Variants in NR5A2 observed in about 807,000 individuals in gnomAD.
NR5A2 encodes nuclear receptor subfamily 5 group A member 2.
A neutral mutation model predicts 62.7 loss-of-function variants in NR5A2; 26 were observed. The ratio of observed to expected loss-of-function variants is 0.41; its 90% confidence interval spans 0.30 to 0.58. NR5A2 has a LOEUF of 0.58. Among genes scored for constraint, NR5A2 ranks in the 20% least tolerant of loss-of-function variants. The pLI, the probability that NR5A2 is intolerant of heterozygous loss-of-function variation, is 0.22. For missense variants in NR5A2, 541 were observed against 669.1 expected (o/e 0.81, Z 2.11); for synonymous variants, 246 against 241.7 (o/e 1.02, Z -0.16).
chr1:200,097,357 T>C (rs1194935886), intron 5 of NR5A2, among the ~76,000 whole-genome samples: 2 of 152,216 alleles, frequency 1.3e-5, no homozygotes, highest in Non-Finnish European at 2.9e-5. Flanking sequence ...TCTCTCTCCC[T>C]TCTTACAAGG....
intron 4 of NR5A2, among the ~76,000 whole-genome samples, chr1:200,046,155 T>TA (rs1259006704): frequency 1.3e-5 from 2 of 151,966 alleles, no homozygotes; most frequent in Non-Finnish European, 2.9e-5. Flanking sequence ...GGCTGCAAAA[T>TA]AAAAAATTGA....
intron 7 of NR5A2, among the ~76,000 whole-genome samples, chr1:200,139,368 T>C (rs1667354461): frequency 6.6e-6 from 1 of 152,248 alleles, no homozygotes; most frequent in South Asian, 2.1e-4. Context: ...TTTCTGATCT[T>C]ATTTTGTTGG....
At chr1:200,042,560 A>G (rs1471782080) in intron 2 of NR5A2, among the ~76,000 whole-genome samples, 4 of 152,008 alleles carry the variant, frequency 2.6e-5, no homozygotes, top group African/African-American at 9.7e-5. Flanking sequence ...TGCAAACGCC[A>G]CTGATTAACT....
intron 7 of NR5A2, among the ~76,000 whole-genome samples, chr1:200,125,121 G>C (rs1666646779): frequency 6.6e-6 from 1 of 152,164 alleles, no homozygotes; most frequent in Admixed American, 6.5e-5. Flanking sequence ...GTTTATGAGA[G>C]GAGATGTTTA....
intron 5 of NR5A2, among the ~76,000 whole-genome samples, chr1:200,103,057 G>A (rs1343993937): frequency 6.6e-6 from 1 of 151,006 alleles, no homozygotes; most frequent in Non-Finnish European, 1.5e-5. Flanking sequence ...GTAAAATGAG[G>A]ATTATAATAA....
chr1:200,115,160 T>A lies in NR5A2; in HGVS notation c.1230+3839T>A, dbSNP rs142742361. Among the ~76,000 whole-genome samples the A allele has an allele frequency of 1.1e-4, 16 of 152,328 alleles. No homozygotes were observed. In the East Asian group the frequency reaches 3.1e-3, roughly 29 times the overall value. ...CAATTTTAATGTGATTGTTGCTTAG[T>A]GTTATGAAATTATTTTAATATTAAG... On this transcript the variant is annotated intron_variant, in intron 6 of 7. Coordinates refer to ENST00000367362, the MANE Select transcript of NR5A2 (RefSeq NM_205860.3).
intron 7 of NR5A2, among the ~76,000 whole-genome samples, chr1:200,124,564 T>C (rs1666619624): frequency 6.6e-6 from 1 of 152,214 alleles, no homozygotes; most frequent in African/African-American, 2.4e-5. Flanking sequence ...TCTCTGTTAG[T>C]TGTTAGTTTT....
intron 7 of NR5A2, among the ~76,000 whole-genome samples, chr1:200,139,103 T>C (rs752894370): frequency 3.3e-5 from 5 of 152,226 alleles, no homozygotes; most frequent in Admixed American, 6.5e-5. Context: ...TACAATTTTC[T>C]CCACAGAGGT....
At chr1:200,149,730 G>C (rs1667900076) in intron 7 of NR5A2, among the ~76,000 whole-genome samples, 1 of 152,126 alleles carries the variant, frequency 6.6e-6, no homozygotes, top group African/African-American at 2.4e-5. Context: ...CATATTGTGG[G>C]CTCCTCATCA....
At chr1:200,148,164 A>T in intron 7 of NR5A2, 1 of 371,236 alleles carries the variant, frequency 2.7e-6, no homozygotes, top group Non-Finnish European at 4.3e-6. Context: ...GAGGAAGACC[A>T]GATTGTAGTG....
At chr1:200,085,662 C>CAAA (rs779455520) in intron 5 of NR5A2, among the ~76,000 whole-genome samples, 1 of 91,148 alleles carries the variant, frequency 1.1e-5, no homozygotes, top group African/African-American at 3.8e-5. Flanking sequence ...AGACCTATCT[C>CAAA]AAAAAAAAAA....
intron 3 of NR5A2, 104 bp from the exon 4 acceptor site, chr1:200,045,339 A>C: frequency 9.7e-7 from 1 of 1,026,456 alleles, no homozygotes; most frequent in East Asian, 2.7e-5. Flanking sequence ...TAAGGGCTCA[A>C]ATAGTGCAAT....
chr1:200,086,503 A>G (rs1664533629), intron 5 of NR5A2, among the ~76,000 whole-genome samples: 1 of 152,084 alleles, frequency 6.6e-6, no homozygotes, highest in African/African-American at 2.4e-5. Flanking sequence ...GGGTTTCTCC[A>G]TGTTGGTCAG....
At chr1:200,074,841 A>G (rs1663954985) in intron 5 of NR5A2, among the ~76,000 whole-genome samples, 1 of 151,492 alleles carries the variant, frequency 6.6e-6, no homozygotes, top group Non-Finnish European at 1.5e-5. Flanking sequence ...ACTTCTCCAA[A>G]TATGGATATA....
Position 200,175,854 on chromosome 1 carries a change from AG to A in NR5A2, c.*1645del, listed in dbSNP as rs1302983040. Reference sequence around the variant, plus strand: ...CTTTGTAGAAACTGTAAAAAATAAAAGTATCTCCTAGTCCCTTAATTTTTTC... The same window carrying A: ...CTTTGTAGAAACTGTAAAAAATAAAATATCTCCTAGTCCCTTAATTTTTTC... On this transcript the variant is annotated 3_prime_UTR_variant, in exon 8 of 8. Transcript: ENST00000367362. 6.6e-6 allele frequency: 1 copy of A among 152,640 alleles called. No homozygotes were observed. Among genetic ancestry groups the A allele is most frequent in the East Asian group, 1.9e-4 (1 of 5,202 alleles). The allele number at this position is 152,640 out of a possible 1,614,324, so 9.5% of individuals were successfully genotyped here.
intron 6 of NR5A2, among the ~76,000 whole-genome samples, chr1:200,111,562 T>C (rs1367491365): frequency 6.6e-6 from 1 of 152,196 alleles, no homozygotes; most frequent in Non-Finnish European, 1.5e-5. Context: ...CTGAAAGTCC[T>C]GCTTACAAGG....
At chr1:200,130,258 C>T (rs932421667) in intron 7 of NR5A2, among the ~76,000 whole-genome samples, 28 of 134,206 alleles carry the variant, frequency 2.1e-4, no homozygotes, top group Non-Finnish European at 3.9e-4. Flanking sequence ...CAACAGAGAT[C>T]TGCTTGCAGG....
chr1:200,027,959 T>G, intron 1 of NR5A2, 48 bp downstream of exon 1: 1 of 1,269,908 alleles, frequency 7.9e-7, no homozygotes, highest in Non-Finnish European at 1.1e-6. Context: ...TGCTACTACA[T>G]ACATATAATT....
chr1:200,146,449 G>GT (rs1374660783), intron 7 of NR5A2, among the ~76,000 whole-genome samples: 1 of 152,146 alleles, frequency 6.6e-6, no homozygotes, highest in Non-Finnish European at 1.5e-5. Context: ...AGTTGTGATT[G>GT]TAACAGGCTG....
Sources: allele counts gnomAD v4.1 joint callset (sites outside exome capture counted in the v4.1 genomes callset), GRCh38; gene constraint gnomAD v4.1.1; transcripts MANE v1.5; gene names NCBI Gene and HGNC (gene_info 2026-07-23, HGNC 2026-07-21).